LRRIQ3: variants seen among roughly 807,000 people sequenced by gnomAD.
The protein encoded by LRRIQ3 is leucine-rich repeat and IQ domain-containing protein 3.
A neutral mutation model predicts 59.3 loss-of-function variants in LRRIQ3; 75 were observed. The observed-to-expected ratio is 1.26, with a 90% confidence interval of 1.05 to 1.53. The LOEUF is 1.53. Ranked by LOEUF, LRRIQ3 falls within the 40% of genes most tolerant of loss-of-function variation. The pLI, the probability that LRRIQ3 is intolerant of heterozygous loss-of-function variation, is 0.00. For missense variants in LRRIQ3, 831 were observed against 710.0 expected (o/e 1.17, Z -1.94); for synonymous variants, 250 against 231.3 (o/e 1.08, Z -0.73).
chr1:74,159,836 T>G (rs1648558648), intron 3 of LRRIQ3, among the ~76,000 whole-genome samples: 1 of 152,114 alleles, frequency 6.6e-6, no homozygotes, highest in Non-Finnish European at 1.5e-5. Flanking sequence ...ACTCATATTA[T>G]ATTATCTATA....
At chr1:74,108,085 C>T (rs1258608956) in intron 5 of LRRIQ3, among the ~76,000 whole-genome samples, 1 of 151,562 alleles carries the variant, frequency 6.6e-6, no homozygotes, top group African/African-American at 2.4e-5. Context: ...TATATATTTG[C>T]TTGCCACAAC....
chr1:74,119,064 C>G (rs1646815673), intron 4 of LRRIQ3, among the ~76,000 whole-genome samples: 1 of 151,984 alleles, frequency 6.6e-6, no homozygotes, highest in Non-Finnish European at 1.5e-5. Flanking sequence ...GCACCGTAGC[C>G]TAGCTATGTT....
intron 4 of LRRIQ3, among the ~76,000 whole-genome samples, chr1:74,137,271 A>G (rs556983655): frequency 6.6e-6 from 1 of 152,148 alleles, no homozygotes; most frequent in South Asian, 2.1e-4. Context: ...CTTTCTATAT[A>G]CTATAAAAAT....
chr1:74,164,096 A>T (rs1165830556), intron 3 of LRRIQ3, among the ~76,000 whole-genome samples: 4 of 150,730 alleles, frequency 2.7e-5, no homozygotes, highest in Non-Finnish European at 6.0e-5. Flanking sequence ...ATTGTTTCAT[A>T]TGTTTTTGAC....
At chr1:74,175,256 A>G (rs1381415666) in intron 3 of LRRIQ3, among the ~76,000 whole-genome samples, 2 of 152,166 alleles carry the variant, frequency 1.3e-5, no homozygotes, top group Non-Finnish European at 2.9e-5. Flanking sequence ...ACAGGTCTAC[A>G]GTCAGTCAAG....
At chr1:74,183,296 T>G in intron 2 of LRRIQ3, 140 bp downstream of exon 2, 1 of 684,164 alleles carries the variant, frequency 1.5e-6, no homozygotes, top group Non-Finnish European at 2.3e-6. Context: ...TCTTACATGC[T>G]TTTAATTTAT....
intron 7 of LRRIQ3, among the ~76,000 whole-genome samples, chr1:74,035,967 AT>A (rs1366778474): frequency 1.3e-5 from 2 of 152,024 alleles, no homozygotes; most frequent in African/African-American, 4.8e-5. Flanking sequence ...TCCTACTACT[AT>A]TTTTTGTAAC....
chr1:74,093,649 A>C (rs1019992599), intron 5 of LRRIQ3, among the ~76,000 whole-genome samples: 7 of 152,074 alleles, frequency 4.6e-5, no homozygotes, highest in Admixed American at 1.3e-4. Context: ...TGAATATCTG[A>C]ATGTAAGAAG....
intron 3 of LRRIQ3, chr1:74,180,495 C>G (rs1649910967): frequency 2.2e-6 from 1 of 447,916 alleles, no homozygotes; most frequent in African/African-American, 2.0e-5. Flanking sequence ...AGAAGTATGA[C>G]CAAACTTATC....
intron 4 of LRRIQ3, among the ~76,000 whole-genome samples, chr1:74,139,468 G>A (rs1647193195): frequency 1.3e-5 from 2 of 151,870 alleles, no homozygotes; most frequent in African/African-American, 4.8e-5. Flanking sequence ...CTAATCCTCT[G>A]TATTGTACCC....
chr1:74,185,021 G>C (rs760742055), intron 1 of LRRIQ3, among the ~76,000 whole-genome samples: 4 of 152,076 alleles, frequency 2.6e-5, no homozygotes, highest in Non-Finnish European at 5.9e-5. Flanking sequence ...CCATCGCATG[G>C]ATGCACTATG....
intron 3 of LRRIQ3, among the ~76,000 whole-genome samples, chr1:74,176,823 G>C (rs551761663): frequency 2.6e-5 from 4 of 152,136 alleles, no homozygotes; most frequent in African/African-American, 9.6e-5. Context: ...CAATGGGTTA[G>C]TAAGGGCTTA....
chr1:74,041,815 C>A lies in LRRIQ3; in HGVS notation c.1116G>T (p.Glu372Asp), dbSNP rs1303285355. 3.1e-6 allele frequency: 5 copies of A among 1,613,378 alleles called. No homozygotes were observed. The highest frequency in any genetic ancestry group is 4.2e-6 in the Non-Finnish European group (5 of 1,179,712). ...GSLKNNAVLR[E>D]KKQHFFPAYP... ...ATGCAGGAAAAAAATGTTGTTTTTT[C>A]TCTCTCAATACTGCATTATTCTTCA... is the stretch of plus-strand genomic sequence containing the variant. The change falls in exon 7 of 8, where the codon GAG becomes GAT. Residue 372 changes from glutamate (E) to aspartate (D), a missense_variant. Physicochemically the swap from Glu to Asp is conservative, Grantham distance 45 (BLOSUM62 2). Coordinates refer to ENST00000354431, the MANE Select transcript of LRRIQ3 (RefSeq NM_001105659.2).
intron 4 of LRRIQ3, among the ~76,000 whole-genome samples, chr1:74,145,246 A>C (rs1395695596): frequency 1.3e-5 from 2 of 152,160 alleles, no homozygotes; most frequent in African/African-American, 4.8e-5. Flanking sequence ...GGGACAATCC[A>C]AATGCACAAG....
chr1:74,175,583 T>C (rs1649591162), intron 3 of LRRIQ3, among the ~76,000 whole-genome samples: 1 of 152,124 alleles, frequency 6.6e-6, no homozygotes, highest in South Asian at 2.1e-4. Context: ...ATTGTTCCTT[T>C]TATCCTTTTA....
intron 6 of LRRIQ3, among the ~76,000 whole-genome samples, chr1:74,047,115 T>A (rs1301264799): frequency 6.6e-6 from 1 of 152,126 alleles, no homozygotes; most frequent in Non-Finnish European, 1.5e-5. Context: ...GGATTATAAA[T>A]CATTCTACTA....
At chr1:74,138,093 T>A (rs571170503) in intron 4 of LRRIQ3, among the ~76,000 whole-genome samples, 1 of 150,702 alleles carries the variant, frequency 6.6e-6, no homozygotes, top group South Asian at 2.1e-4. Context: ...AAGTATAATT[T>A]TAAAAAAAAA....
chr1:74,146,549 A>C (rs1044018927), intron 4 of LRRIQ3, among the ~76,000 whole-genome samples: 1 of 152,224 alleles, frequency 6.6e-6, no homozygotes, highest in African/African-American at 2.4e-5. Flanking sequence ...GCACATTTGT[A>C]TATAATTTCA....
At chr1:74,116,481 GA>G (rs1037693756) in intron 4 of LRRIQ3, among the ~76,000 whole-genome samples, 13 of 151,390 alleles carry the variant, frequency 8.6e-5, no homozygotes, top group Non-Finnish European at 1.8e-4. Flanking sequence ...AGCAATTTCA[GA>G]AAAAAAATTG....
Sources: allele counts gnomAD v4.1 joint callset (sites outside exome capture counted in the v4.1 genomes callset), GRCh38; gene constraint gnomAD v4.1.1; transcripts MANE v1.5; gene names NCBI Gene and HGNC (gene_info 2026-07-23, HGNC 2026-07-21).